The following USP34 variants were observed in gnomAD, a reference collection of about 807,000 sequenced individuals.
The protein encoded by USP34 is ubiquitin carboxyl-terminal hydrolase 34.
Under a neutral mutation model 460.3 loss-of-function variants are expected in USP34, and 70 were observed. The ratio of observed to expected loss-of-function variants is 0.15; its 90% CI spans 0.13 to 0.19. The LOEUF (loss-of-function observed/expected upper bound fraction) is 0.19, where lower values mean the gene tolerates loss of function less well. USP34 is among the 10% of genes least tolerant of loss of function. USP34 has a pLI of 1.00. For synonymous variants in USP34, 1,647 were observed against 1,405.3 expected (o/e 1.17, Z -3.85); for missense variants, 3,985 against 4,236.2 (o/e 0.94, Z 1.65).
chr2:61,278,885 C>T (rs924226717), intron 39 of USP34, among the ~76,000 whole-genome samples: 1 of 151,822 alleles, frequency 6.6e-6, no homozygotes, highest in Non-Finnish European at 1.5e-5. Flanking sequence ...TTAAATAATA[C>T]CTTTAAATTA....
chr2:61,299,260 C>T (rs916241779), intron 29 of USP34, among the ~76,000 whole-genome samples: 5 of 152,142 alleles, frequency 3.3e-5, no homozygotes, highest in Admixed American at 2.0e-4. Context: ...GAAAGAAAAG[C>T]ATACTAGCCT....
At chr2:61,424,796 G>A (rs1011686597) in intron 1 of USP34, among the ~76,000 whole-genome samples, 2 of 151,966 alleles carry the variant, frequency 1.3e-5, no homozygotes, top group African/African-American at 2.4e-5. Flanking sequence ...ATTTTTTAAA[G>A]GAGTTCAGGA....
chr2:61,301,281 A>G, intron 28 of USP34, 73 bp downstream of exon 28: 2 of 1,537,570 alleles, frequency 1.3e-6, no homozygotes, highest in Admixed American at 1.9e-5. Flanking sequence ...CTGTTTTTAA[A>G]CTACATCTGC....
chr2:61,265,334 T>C (rs1257000327), intron 43 of USP34, 63 bp downstream of exon 43: 1 of 1,526,456 alleles, frequency 6.6e-7, no homozygotes, highest in Non-Finnish European at 8.8e-7. Context: ...GAAATAAAAA[T>C]TTATCAACAA....
chr2:61,226,269 C>T (rs1687723342), intron 62 of USP34, among the ~76,000 whole-genome samples: 1 of 152,166 alleles, frequency 6.6e-6, no homozygotes, highest in Non-Finnish European at 1.5e-5. Context: ...TTGACCTTAC[C>T]TGGAAAGGCA....
At chr2:61,378,158 G>T (rs970534178) in intron 8 of USP34, among the ~76,000 whole-genome samples, 1 of 152,124 alleles carries the variant, frequency 6.6e-6, no homozygotes, top group Admixed American at 6.5e-5. Flanking sequence ...GGGCAACAGA[G>T]CAAGACCCTG....
At chr2:61,398,099 T>A (rs571612627) in intron 3 of USP34, among the ~76,000 whole-genome samples, 49 of 151,744 alleles carry the variant, frequency 3.2e-4, no homozygotes, top group African/African-American at 1.1e-3. Flanking sequence ...TTAGGTTGAG[T>A]GCAGTGGCTC....
At chr2:61,454,067 T>C (rs988783454) in intron 1 of USP34, among the ~76,000 whole-genome samples, 4 of 152,274 alleles carry the variant, frequency 2.6e-5, no homozygotes, top group South Asian at 4.1e-4. Flanking sequence ...ATTTTAACAA[T>C]CACAAGGTTT....
intron 3 of USP34, among the ~76,000 whole-genome samples, chr2:61,399,580 G>GA: frequency 6.6e-6 from 1 of 151,700 alleles, no homozygotes; most frequent in East Asian, 2.0e-4. Context: ...ATTAAAAGAC[G>GA]AATTAACGGT....
At chr2:61,438,635 A>T (rs931681889) in intron 1 of USP34, among the ~76,000 whole-genome samples, 3 of 150,360 alleles carry the variant, frequency 2.0e-5, no homozygotes, top group Non-Finnish European at 4.4e-5. Context: ...AAAAAAAAAC[A>T]CTCTCAATAA....
chr2:61,436,508 A>C (rs1000124229), intron 1 of USP34, among the ~76,000 whole-genome samples: 1 of 152,342 alleles, frequency 6.6e-6, no homozygotes, highest in East Asian at 1.9e-4. Context: ...AGGGGATATA[A>C]GAATTGTAAA....
At chr2:61,329,655 T>C (rs1337319217) in intron 20 of USP34, among the ~76,000 whole-genome samples, 2 of 152,176 alleles carry the variant, frequency 1.3e-5, no homozygotes, top group Non-Finnish European at 2.9e-5. Context: ...TTTTATGCCA[T>C]GAAGAATCTC....
At chr2:61,330,078 T>C (rs1558533258) in intron 20 of USP34, among the ~76,000 whole-genome samples, 2 of 152,142 alleles carry the variant, frequency 1.3e-5, no homozygotes, top group African/African-American at 2.4e-5. Context: ...AACAAAAAGG[T>C]AGAGATTAAT....
chr2:61,311,669 G>C lies in USP34; in HGVS notation c.3688C>G (p.Pro1230Ala). The C allele has an allele frequency of 1.2e-6, 2 of 1,612,042 alleles. No individual in the cohort carries two copies. Among genetic ancestry groups the C allele is most frequent in the Non-Finnish European group, 1.7e-6 (2 of 1,179,464 alleles). The change falls in exon 27 of 80, where the codon CCT (proline) becomes GCT (alanine). Residue 1230 changes from proline to alanine, a missense_variant. Pro to Ala is a conservative substitution (Grantham distance 27, BLOSUM62 -1). This residue lies in a region of USP34 where 1,114 missense variants were observed against 1,122.5 expected (regional missense o/e 0.99). Transcript: ENST00000398571. The part of the protein sequence containing the change: ...LPDKMTIEMY[P>A]SDQVADLRAE... ...CTAAGATCTGCTACCTGGTCACTAG[G>C]ATACATTTCAATAGTCATCTGAAAT...
Position 61,405,907 on chromosome 2 carries a change from C to G in USP34, c.353G>C (p.Arg118Thr). The G allele has an allele frequency of 1.2e-6, 2 of 1,613,340 alleles. No homozygotes were observed. Among genetic ancestry groups the G allele is most frequent in the South Asian group, 2.2e-5 (2 of 90,982 alleles). Residue 118 changes from arginine (R) to threonine (T), a missense_variant, in exon 3 of 80, where the codon AGA (arginine) becomes ACA (threonine). Around this residue, in one of 14 missense-constraint regions of USP34, gnomAD observed 331 missense variants for 293.7 expected, o/e 1.13. Transcript: ENST00000398571. ...TGATTTTTTTTCTATTGATTTTTGT[C>G]TTTCTGTACTTCCTTCATTACACTC... ...DRECNEGSTE[R>T]QKSIEKKSNS...
intron 64 of USP34, 174 bp from the exon 65 acceptor site, chr2:61,222,837 A>G: frequency 1.4e-6 from 1 of 692,720 alleles, no homozygotes. Flanking sequence ...CTGGGACTAC[A>G]GGCATGTGCC....
intron 18 of USP34, among the ~76,000 whole-genome samples, chr2:61,337,796 T>C (rs1691469203): frequency 6.6e-6 from 1 of 152,194 alleles, no homozygotes; most frequent in African/African-American, 2.4e-5. Context: ...TTCTTGACTC[T>C]GCCTTTGGGT....
intron 25 of USP34, 56 bp downstream of exon 25, chr2:61,314,529 A>C (rs946069361): frequency 1.5e-6 from 2 of 1,351,826 alleles, no homozygotes; most frequent in Non-Finnish European, 1.9e-6. Context: ...ATATTTCTGG[A>C]TATGTCAGGA....
chr2:61,435,668 T>C (rs139141476), intron 1 of USP34, among the ~76,000 whole-genome samples: 70 of 152,230 alleles, frequency 4.6e-4, no homozygotes, highest in African/African-American at 1.6e-3. Context: ...ATCAATAAAA[T>C]GGCAGGAGTA....
Sources: gnomAD v4.1 joint callset for allele counts (sites outside exome capture counted in the v4.1 genomes callset) on GRCh38, gnomAD v4.1.1 for gene constraint, gnomAD v4.1.1 regional missense constraint, MANE v1.5 for transcripts, NCBI Gene and HGNC (gene_info 2026-07-23, HGNC 2026-07-21) for gene names.